The following RTN4 variants were observed in gnomAD, a reference collection of about 807,000 sequenced individuals.
The protein encoded by RTN4 is reticulon-4.
Under a neutral mutation model 90.4 loss-of-function variants are expected in RTN4, and 32 were observed. The ratio of observed to expected loss-of-function variants is 0.35; its 90% CI spans 0.27 to 0.48. The LOEUF (loss-of-function observed/expected upper bound fraction) is 0.48. Among genes scored for constraint, RTN4 ranks in the 20% least tolerant of loss-of-function variants. The pLI, the probability that RTN4 is intolerant of heterozygous loss-of-function variation, is 0.99. For missense variants in RTN4, 1,706 were observed against 1,430.2 expected, an observed-to-expected ratio of 1.19 and a Z score of -3.11; for synonymous variants, 629 against 552.5, an observed-to-expected ratio of 1.14 and a Z score of -1.94.
In RTN4 at chr2:55,025,449, T is replaced by C. The variant is rs200955027; in HGVS notation, c.2650A>G (p.Lys884Glu). 3 of 1,613,838 alleles carry C rather than the reference T, an allele frequency of 1.9e-6. No homozygotes were observed. In the South Asian group the frequency reaches 3.3e-5, roughly 18 times the overall value. ...AGGTCAGTATATTCCCTGGCTAATT[T>C]AGAAAATGAATCAGTTTTAGAACTG... is the stretch of plus-strand genomic sequence containing the variant. ...LISSKTDSFSKLAREYTDLEV... is the reference protein window; with the variant it reads ...LISSKTDSFSELAREYTDLEV... Residue 884 changes from lysine (K) to glutamate (E), a missense_variant, in exon 3 of 9, where the codon AAA becomes GAA. By Grantham distance (56) the Lys-to-Glu change is moderately conservative. Transcript: ENST00000337526.
upstream of RTN4, among the ~76,000 whole-genome samples, chr2:55,115,092 T>C (rs186991970): frequency 6.5e-4 from 99 of 152,332 alleles, no homozygotes; most frequent in African/African-American, 2.3e-3. Flanking sequence ...TGGGTTAAAT[T>C]ATGCATATTA....
intron 2 of RTN4, among the ~76,000 whole-genome samples, chr2:55,059,320 T>G (rs552971277): frequency 3.9e-4 from 60 of 152,186 alleles, no homozygotes; most frequent in African/African-American, 1.4e-3. Flanking sequence ...GTTTTTTTTT[T>G]TTAATATACT....
intron 1 of RTN4, among the ~76,000 whole-genome samples, chr2:55,090,472 G>A (rs957920): frequency 0.03 from 4,542 of 152,292 alleles, 222 homozygotes; most frequent in African/African-American, 0.1. Context: ...AGGACGTCAT[G>A]GAGGAAGAAG....
chr2:55,014,003 G>C (rs1242769513), intron 3 of RTN4, among the ~76,000 whole-genome samples: 1 of 152,126 alleles, frequency 6.6e-6, no homozygotes, highest in Non-Finnish European at 1.5e-5. Context: ...AACAATTATA[G>C]CTACACAGTA....
intron 5 of RTN4, among the ~76,000 whole-genome samples, chr2:54,977,514 T>C (rs1677736415): frequency 6.6e-6 from 1 of 151,586 alleles, no homozygotes. Context: ...AAATACCTGG[T>C]CTTAGTCCCT....
chr2:55,117,263 A>G (rs1158762446), upstream of RTN4, among the ~76,000 whole-genome samples: 1 of 152,230 alleles, frequency 6.6e-6, no homozygotes, highest in Non-Finnish European at 1.5e-5. Flanking sequence ...GCCCTGGGTC[A>G]TCTTGGACCT....
At chr2:55,074,093 C>T (rs1209480995) in intron 2 of RTN4, among the ~76,000 whole-genome samples, 1 of 152,230 alleles carries the variant, frequency 6.6e-6, no homozygotes, top group Non-Finnish European at 1.5e-5. Flanking sequence ...TTCAGGTGTT[C>T]TGTCTCAGAC....
At chr2:55,051,961 G>A (rs993456955), upstream of RTN4, among the ~76,000 whole-genome samples, 3 of 152,136 alleles carry the variant, frequency 2.0e-5, no homozygotes, top group African/African-American at 7.2e-5. Context: ...AATTAAGAAA[G>A]TTTGATTGCC....
intron 2 of RTN4, among the ~76,000 whole-genome samples, chr2:55,076,177 T>A (rs1668595359): frequency 6.6e-6 from 1 of 152,174 alleles, no homozygotes; most frequent in Non-Finnish European, 1.5e-5. Context: ...ATTCATAATC[T>A]ATACATCCGA....
At chr2:54,978,448 A>AAAAAAAG (rs1558756009) in intron 5 of RTN4, among the ~76,000 whole-genome samples, 3 of 151,170 alleles carry the variant, frequency 2.0e-5, no homozygotes, top group Non-Finnish European at 3.0e-5. Flanking sequence ...AAAAAAAAAA[A>AAAAAAAG]AAAAAGAGCT....
chr2:55,116,525 T>A (rs1326863234), upstream of RTN4, among the ~76,000 whole-genome samples: 1 of 152,230 alleles, frequency 6.6e-6, no homozygotes, highest in Non-Finnish European at 1.5e-5. Flanking sequence ...AGGATTCCAG[T>A]AGCTGATACA....
chr2:54,972,998 T>A lies in RTN4; in HGVS notation c.*158A>T. ...AACACATGGCAGTCAAGACAGGTAATTTTTCCTCACAACAGTGCATGGCTA... is the reference window on the plus strand; with the variant it reads ...AACACATGGCAGTCAAGACAGGTAAATTTTCCTCACAACAGTGCATGGCTA... On this transcript the variant is annotated 3_prime_UTR_variant, in exon 9 of 9. Transcript: ENST00000337526. 1 of 555,318 alleles carries A rather than the reference T, an allele frequency of 1.8e-6. No individual in the cohort carries two copies. The highest frequency in any genetic ancestry group is 3.1e-5 in the South Asian group (1 of 32,692). The allele number at this position is 555,318 out of a possible 1,614,324, so 34.4% of individuals were successfully genotyped here.
chr2:55,104,921 C>A (rs1011042878), intron 1 of RTN4, among the ~76,000 whole-genome samples: 1 of 151,908 alleles, frequency 6.6e-6, no homozygotes, highest in Admixed American at 6.6e-5. Context: ...ATCTCCCCAC[C>A]TCAGCCTCTC....
intron 1 of RTN4, among the ~76,000 whole-genome samples, chr2:55,041,431 A>G (rs754017810): frequency 8.5e-5 from 13 of 152,108 alleles, no homozygotes; most frequent in Non-Finnish European, 1.8e-4. Flanking sequence ...TTATACACAC[A>G]TAAGATAGCC....
intron 1 of RTN4, chr2:55,049,180 C>T (rs2104979058): frequency 1.0e-6 from 1 of 986,514 alleles, no homozygotes; most frequent in Non-Finnish European, 1.2e-6. Context: ...CGGCCAGCTC[C>T]CCACGAGCAC....
rs377190604 is a variant in RTN4, at chr2:55,022,978, A to G, written c.3013+2108T>C. Among the ~76,000 whole-genome samples, 27 of 147,656 alleles carry G rather than the reference A, an allele frequency of 1.8e-4. No homozygotes were observed. The East Asian group carries it at 2.9e-3, about 16-fold the overall frequency. On this transcript the variant is annotated intron_variant, in intron 3 of 8. Transcript: ENST00000337526. ...CTTTCTCTCCCCTACTTTGACCACA[A>G]TCTCCTATCATTCTGGCATGTATTT...
At chr2:55,045,794 T>C (rs1469990552) in intron 1 of RTN4, among the ~76,000 whole-genome samples, 1 of 151,966 alleles carries the variant, frequency 6.6e-6, no homozygotes, top group East Asian at 1.9e-4. Context: ...CAGATCTACA[T>C]ATTTTCGGTC....
chr2:55,044,670 T>C (rs944227944), intron 1 of RTN4, among the ~76,000 whole-genome samples: 46 of 151,120 alleles, frequency 3.0e-4, no homozygotes, highest in African/African-American at 1.0e-3. Context: ...TTTACAATAA[T>C]ATAGCACTAA....
At chr2:54,980,749 T>A (rs566415505) in intron 5 of RTN4, among the ~76,000 whole-genome samples, 11 of 152,332 alleles carry the variant, frequency 7.2e-5, no homozygotes, top group Admixed American at 1.3e-4. Flanking sequence ...AAGCTCTGAA[T>A]TACTACTTAC....
Sources: allele counts gnomAD v4.1 joint callset (sites outside exome capture counted in the v4.1 genomes callset), GRCh38; gene constraint gnomAD v4.1.1; transcripts MANE v1.5; gene names NCBI Gene and HGNC (gene_info 2026-07-23, HGNC 2026-07-21).